Variants in PHACTR1 observed in about 807,000 individuals in gnomAD.
The protein encoded by PHACTR1 is RPEL repeat containing 1.
Under a neutral mutation model 69.2 loss-of-function variants are expected in PHACTR1, and 16 were observed. That is an observed-to-expected ratio of 0.23 (90% confidence interval 0.16 to 0.35). The LOEUF (loss-of-function observed/expected upper bound fraction) is 0.35. Ranked by LOEUF, PHACTR1 falls within the 10% of genes least tolerant of loss-of-function variation. PHACTR1 has a pLI of 1.00. For missense variants in PHACTR1, 510 were observed against 734.7 expected (o/e 0.69, Z 3.54); for synonymous variants, 312 against 284.5 (o/e 1.10, Z -0.97).
chr6:13,251,000 TACAC>T (rs137996162), intron 10 of PHACTR1, among the ~76,000 whole-genome samples: 11,406 of 151,570 alleles, frequency 0.075, 703 homozygotes, highest in Admixed American at 0.22. Context: ...ATATCCATTT[TACAC>T]ACACACACAC....
At chr6:13,043,426 CA>C (rs112014734) in intron 4 of PHACTR1, among the ~76,000 whole-genome samples, 93 of 135,882 alleles carry the variant, frequency 6.8e-4, no homozygotes, top group Admixed American at 1.6e-3. Flanking sequence ...GATTACATCT[CA>C]AAAAAAAAAG....
rs374620173 is a variant in PHACTR1 at position 13,074,273 on chromosome 6, T to G, written c.415+20744T>G. ...AACATAAAAAAGATCTTACCCTCAC[T>G]CATATTATAATTAAGGATATACAAA... On this transcript the variant is annotated intron_variant, in intron 5 of 14. Transcript: ENST00000332995. Among the ~76,000 whole-genome samples the G allele has an allele frequency of 2.6e-5, 4 of 152,256 alleles. No individual in the cohort carries two copies. The South Asian group carries it at 8.3e-4, about 32-fold the overall frequency.
intron 5 of PHACTR1, among the ~76,000 whole-genome samples, chr6:13,156,021 T>C (rs1758121665): frequency 1.3e-5 from 2 of 152,282 alleles, no homozygotes; most frequent in South Asian, 4.1e-4. Flanking sequence ...TTAGAGCCTT[T>C]TTGTTTTCCT....
intron 4 of PHACTR1, among the ~76,000 whole-genome samples, chr6:12,963,795 G>A (rs1262878625): frequency 6.6e-6 from 1 of 152,208 alleles, no homozygotes; most frequent in African/African-American, 2.4e-5. Flanking sequence ...CGCCAAGTGT[G>A]AAGTGCTCTT....
chr6:13,234,703 A>G (rs1180992065), intron 10 of PHACTR1, among the ~76,000 whole-genome samples: 2 of 152,218 alleles, frequency 1.3e-5, no homozygotes, highest in Non-Finnish European at 2.9e-5. Context: ...TCACTTGTTG[A>G]GGCTATTGGG....
chr6:12,823,155 G>T, intron 4 of PHACTR1, among the ~76,000 whole-genome samples: 1 of 152,188 alleles, frequency 6.6e-6, no homozygotes, highest in East Asian at 1.9e-4. Context: ...GTAAACAGGG[G>T]CAAGTTACTT....
At chr6:12,855,756 C>A (rs942682111) in intron 4 of PHACTR1, among the ~76,000 whole-genome samples, 33 of 151,782 alleles carry the variant, frequency 2.2e-4, no homozygotes, top group Admixed American at 2.2e-3. Flanking sequence ...AACAATGTAC[C>A]CTTGTAACAA....
At chr6:12,833,081 C>A (rs1777761231) in intron 4 of PHACTR1, among the ~76,000 whole-genome samples, 1 of 152,122 alleles carries the variant, frequency 6.6e-6, no homozygotes, top group African/African-American at 2.4e-5. Context: ...GAAGTCACTT[C>A]ACCTATGAGG....
At chr6:12,845,044 T>G (rs1779064309) in intron 4 of PHACTR1, among the ~76,000 whole-genome samples, 1 of 152,186 alleles carries the variant, frequency 6.6e-6, no homozygotes, top group African/African-American at 2.4e-5. Flanking sequence ...GAAAAAAAAT[T>G]AATAAAGCCA....
chr6:13,109,380 C>T (rs1816664170), intron 5 of PHACTR1, among the ~76,000 whole-genome samples: 1 of 151,660 alleles, frequency 6.6e-6, no homozygotes, highest in Admixed American at 6.6e-5. Flanking sequence ...CTTGATTTTA[C>T]CTTAATTTTG....
chr6:12,907,290 C>A (rs79564611), intron 4 of PHACTR1, among the ~76,000 whole-genome samples: 2,239 of 152,266 alleles, frequency 0.015, 51 homozygotes, highest in African/African-American at 0.051. Flanking sequence ...AATAAGTTAA[C>A]CAAACCTAAT....
At chr6:12,944,779 T>TCA (rs1554172499) in intron 4 of PHACTR1, among the ~76,000 whole-genome samples, 1 of 138,770 alleles carries the variant, frequency 7.2e-6, no homozygotes, top group Non-Finnish European at 1.5e-5. Flanking sequence ...ATTTATTTAT[T>TCA]TTTATTTATT....
intron 7 of PHACTR1, among the ~76,000 whole-genome samples, chr6:13,202,906 A>G (rs970543946): frequency 6.6e-6 from 1 of 152,216 alleles, no homozygotes; most frequent in Non-Finnish European, 1.5e-5. Flanking sequence ...GAATGTGGTG[A>G]CCTTGCACCA....
chr6:12,907,370 C>A (rs1785859103), intron 4 of PHACTR1, among the ~76,000 whole-genome samples: 1 of 152,188 alleles, frequency 6.6e-6, no homozygotes, highest in Non-Finnish European at 1.5e-5. Context: ...AAATCATGAG[C>A]AATTTCACTT....
intron 4 of PHACTR1, among the ~76,000 whole-genome samples, chr6:12,924,497 G>A (rs564160200): frequency 1.8e-4 from 28 of 152,138 alleles, no homozygotes; most frequent in East Asian, 7.7e-4. Flanking sequence ...ACTATATGCC[G>A]GGCACGGTGG....
chr6:12,944,326 G>C (rs1251941300), intron 4 of PHACTR1, among the ~76,000 whole-genome samples: 2 of 152,176 alleles, frequency 1.3e-5, no homozygotes, highest in African/African-American at 4.8e-5. Flanking sequence ...TGGCCTGTCT[G>C]TTTGCTAGTT....
At chr6:13,063,558 G>A (rs1194595858) in intron 5 of PHACTR1, among the ~76,000 whole-genome samples, 1 of 151,910 alleles carries the variant, frequency 6.6e-6, no homozygotes, top group Non-Finnish European at 1.5e-5. Flanking sequence ...AGAATTACTT[G>A]AGCCCAGGAG....
chr6:13,281,448 G>A (rs1467119270), intron 12 of PHACTR1: 2 of 305,044 alleles, frequency 6.6e-6, no homozygotes, highest in Non-Finnish European at 6.7e-6. Flanking sequence ...CAGCTACTCG[G>A]GAGGCTGAGG....
At chr6:12,991,919 C>G (rs1180652555) in intron 4 of PHACTR1, among the ~76,000 whole-genome samples, 1 of 151,556 alleles carries the variant, frequency 6.6e-6, no homozygotes, top group Non-Finnish European at 1.5e-5. Flanking sequence ...AATTATGGCA[C>G]TGACATAAGT....
Sources: allele counts gnomAD v4.1 joint callset (sites outside exome capture counted in the v4.1 genomes callset), GRCh38; gene constraint gnomAD v4.1.1; transcripts MANE v1.5; gene names NCBI Gene and HGNC (gene_info 2026-07-23, HGNC 2026-07-21).